Variants in UNC5C observed in about 807,000 individuals in gnomAD.
UNC5C encodes the protein netrin receptor UNC5C.
A neutral mutation model predicts 99.8 loss-of-function variants in UNC5C; 47 were observed. The observed-to-expected ratio is 0.47, with a 90% CI of 0.37 to 0.60. The LOEUF is 0.60. Ranked by LOEUF, UNC5C falls within the 20% of genes least tolerant of loss-of-function variation. The probability of loss-of-function intolerance (pLI) is 0.00; values close to 1 mark genes in which losing one functional copy is unlikely to be tolerated. For missense variants in UNC5C, 1,062 were observed against 1,165.9 expected, an observed-to-expected ratio of 0.91 and a Z score of 1.30; for synonymous variants, 487 against 452.2, an observed-to-expected ratio of 1.08 and a Z score of -0.98.
intron 4 of UNC5C, among the ~76,000 whole-genome samples, chr4:95,255,307 A>C (rs536328904): frequency 1.4e-4 from 22 of 152,264 alleles, no homozygotes; most frequent in African/African-American, 5.1e-4. Flanking sequence ...GAGGTGGAAC[A>C]TGGGTGTAAA....
At chr4:95,538,454 A>G (rs1299636424) in intron 1 of UNC5C, among the ~76,000 whole-genome samples, 1 of 152,220 alleles carries the variant, frequency 6.6e-6, no homozygotes, top group Non-Finnish European at 1.5e-5. Context: ...TGTTATCTTT[A>G]AGACCCTCTT....
At chr4:95,292,186 TATATATATACACATATATATAC>T (rs1317131105) in intron 3 of UNC5C, among the ~76,000 whole-genome samples, 3 of 148,242 alleles carry the variant, frequency 2.0e-5, no homozygotes, top group Non-Finnish European at 3.0e-5. Flanking sequence ...TGAGATTACA[TATATATATACACATATATATAC>T]ATATATATAC....
At chr4:95,277,395 G>A (rs1288450939) in intron 4 of UNC5C, among the ~76,000 whole-genome samples, 6 of 152,154 alleles carry the variant, frequency 3.9e-5, no homozygotes, top group African/African-American at 7.2e-5. Flanking sequence ...TGTAGGACAC[G>A]GGGTCAATTA....
At chr4:95,483,825 G>A (rs1005639180) in intron 1 of UNC5C, among the ~76,000 whole-genome samples, 3 of 151,572 alleles carry the variant, frequency 2.0e-5, no homozygotes, top group Non-Finnish European at 4.4e-5. Flanking sequence ...CAAGAAACAA[G>A]GGAAAAAAGA....
At chr4:95,303,869 A>T (rs917117970) in intron 2 of UNC5C, among the ~76,000 whole-genome samples, 1 of 152,208 alleles carries the variant, frequency 6.6e-6, no homozygotes, top group African/African-American at 2.4e-5. Flanking sequence ...TAATAAGTTC[A>T]TAAAAGTTAT....
At chr4:95,271,240 T>A (rs967379766) in intron 4 of UNC5C, among the ~76,000 whole-genome samples, 1 of 150,316 alleles carries the variant, frequency 6.7e-6, no homozygotes, top group African/African-American at 2.4e-5. Context: ...TTATTTTTTT[T>A]TTTTTGAGAC....
intron 1 of UNC5C, among the ~76,000 whole-genome samples, chr4:95,386,796 G>A (rs1396697789): frequency 6.6e-6 from 1 of 152,152 alleles, no homozygotes; most frequent in South Asian, 2.1e-4. Context: ...AAAAAAGCCC[G>A]AGTCTTGTGC....
At chr4:95,446,330 G>A (rs1747105511) in intron 1 of UNC5C, among the ~76,000 whole-genome samples, 1 of 152,022 alleles carries the variant, frequency 6.6e-6, no homozygotes, top group Admixed American at 6.5e-5. Flanking sequence ...CTCGATCCAC[G>A]GAAAATGAGC....
intron 2 of UNC5C, among the ~76,000 whole-genome samples, chr4:95,325,252 A>T (rs1367686612): frequency 2.0e-5 from 3 of 152,176 alleles, no homozygotes; most frequent in Admixed American, 6.5e-5. Context: ...TAAGAGGGGG[A>T]ATGACAACCA....
chr4:95,178,766 G>C (rs1736475458), intron 14 of UNC5C, among the ~76,000 whole-genome samples: 1 of 152,162 alleles, frequency 6.6e-6, no homozygotes, highest in Non-Finnish European at 1.5e-5. Flanking sequence ...CCATTTTCTT[G>C]TGGATAAAGA....
chr4:95,548,971 A>G lies in UNC5C; in HGVS notation c.-114T>C. ...GCACCGCGAAGCAGTCCGAAGAAAT[A>G]ACGACAACCAAGCGCCACACTCCAC... On this transcript the variant is annotated 5_prime_UTR_variant, in exon 1 of 16. Transcript: ENST00000453304. 7.2e-7 allele frequency: 1 copy of G among 1,383,730 alleles called. No individual in the cohort carries two copies. The highest frequency in any genetic ancestry group is 9.9e-7 in the Non-Finnish European group (1 of 1,007,704). 85.7% of individuals were successfully genotyped at this position (1,383,730 alleles called of 1,614,324 possible). A position where few individuals can be genotyped will look rare whatever the true frequency, so the allele number is the denominator to read the frequency against.
intron 10 of UNC5C, among the ~76,000 whole-genome samples, chr4:95,210,137 C>G (rs1408065515): frequency 1.3e-5 from 2 of 151,992 alleles, no homozygotes; most frequent in Non-Finnish European, 1.5e-5. Flanking sequence ...CAAGTACACC[C>G]CTGGCATGCA....
intron 4 of UNC5C, among the ~76,000 whole-genome samples, chr4:95,271,252 G>C (rs1740651388): frequency 6.6e-6 from 1 of 151,380 alleles, no homozygotes; most frequent in Non-Finnish European, 1.5e-5. Flanking sequence ...TTTTGAGACG[G>C]AGTCTCGCTC....
intron 11 of UNC5C, among the ~76,000 whole-genome samples, chr4:95,203,443 T>G (rs1303994219): frequency 6.6e-6 from 1 of 152,014 alleles, no homozygotes; most frequent in Non-Finnish European, 1.5e-5. Flanking sequence ...TGTTGTTGGG[T>G]CAGTATACTT....
intron 2 of UNC5C, among the ~76,000 whole-genome samples, chr4:95,314,789 C>G (rs530627894): frequency 6.6e-6 from 1 of 152,250 alleles, no homozygotes; most frequent in African/African-American, 2.4e-5. Flanking sequence ...AACATCAAAA[C>G]ATGATTGACT....
chr4:95,315,437 A>C (rs573205398), intron 2 of UNC5C, among the ~76,000 whole-genome samples: 3 of 152,348 alleles, frequency 2.0e-5, no homozygotes, highest in South Asian at 4.1e-4. Context: ...AAAGAAAAAA[A>C]AGAAAAATGA....
intron 1 of UNC5C, among the ~76,000 whole-genome samples, chr4:95,342,786 AG>A (rs1743626138): frequency 6.6e-6 from 1 of 151,020 alleles, no homozygotes; most frequent in African/African-American, 2.4e-5. Flanking sequence ...CCTGGGCCAA[AG>A]GGGGGCCCAC....
chr4:95,514,235 T>C (rs965144691), intron 1 of UNC5C, among the ~76,000 whole-genome samples: 1 of 152,166 alleles, frequency 6.6e-6, no homozygotes, highest in Non-Finnish European at 1.5e-5. Flanking sequence ...GGTTAAGGAA[T>C]AGTAACAAAA....
intron 4 of UNC5C, among the ~76,000 whole-genome samples, chr4:95,276,814 A>G (rs1740878317): frequency 6.6e-6 from 1 of 152,184 alleles, no homozygotes; most frequent in Non-Finnish European, 1.5e-5. Flanking sequence ...TACAATTGGC[A>G]TGAGATGCCA....
Sources: gnomAD v4.1 joint callset for allele counts (sites outside exome capture counted in the v4.1 genomes callset) on GRCh38, gnomAD v4.1.1 for gene constraint, MANE v1.5 for transcripts, NCBI Gene and HGNC (gene_info 2026-07-23, HGNC 2026-07-21) for gene names.